MCF2: variants seen among roughly 807,000 people sequenced by gnomAD.
MCF2 encodes the protein MCF.2 cell line derived transforming sequence, also known as proto-oncogene DBL.
In MCF2, 44 loss-of-function variants were observed where a neutral mutation model predicts 82.5. The ratio of observed to expected loss-of-function variants is 0.53; its 90% CI spans 0.42 to 0.69. The LOEUF (loss-of-function observed/expected upper bound fraction) is 0.69, where lower values mean the gene tolerates loss of function less well. Ranked by LOEUF, MCF2 falls within the 30% of genes least tolerant of loss-of-function variation. The probability of loss-of-function intolerance (pLI) is 0.00; values close to 1 mark genes in which losing one functional copy is unlikely to be tolerated. For synonymous variants in MCF2, 217 were observed against 224.9 expected (o/e 0.96, Z 0.32); for missense variants, 623 against 663.1 (o/e 0.94, Z 0.66).
At chrX:139,696,933 T>C (rs1935396694) in intron 1 of MCF2, among the ~76,000 whole-genome samples, 1 of 112,267 alleles carries the variant, frequency 8.9e-6, no homozygotes, top group African/African-American at 3.2e-5. Context: ...TATAAAGGAC[T>C]ATATCAAGTT....
At chrX:139,632,453 G>T in exon 2 of MCF2, 1 of 1,197,015 alleles carries the variant, frequency 8.4e-7, no homozygotes, top group African/African-American at 1.8e-5. Flanking sequence ...AGGGAAGGAA[G>T]CCTGTAGAAA....
intron 1 of MCF2, among the ~76,000 whole-genome samples, 164 bp from the exon 5 acceptor site, chrX:139,632,618 T>C (rs112058410): frequency 0.022 from 2,409 of 111,551 alleles, 55 homozygotes; most frequent in African/African-American, 0.071. Flanking sequence ...TCTAAAAACA[T>C]GCAAATAGAA....
chrX:139,642,028 C>CATTTTT (rs1933598511), intron 1 of MCF2, among the ~76,000 whole-genome samples: 1 of 111,104 alleles, frequency 9.0e-6, no homozygotes, highest in East Asian at 2.8e-4. Context: ...ACGGTAACAC[C>CATTTTT]CAGGAAAGGC....
chrX:139,599,398 G>A (rs73634053), intron 16 of MCF2, among the ~76,000 whole-genome samples: 2 of 109,668 alleles, frequency 1.8e-5, no homozygotes, highest in Non-Finnish European at 3.8e-5. Flanking sequence ...GATAAGCAAG[G>A]GGAAAACTTC....
chrX:139,646,469 C>T (rs1263627136), upstream of MCF2, among the ~76,000 whole-genome samples: 2 of 111,962 alleles, frequency 1.8e-5, no homozygotes, highest in Admixed American at 1.9e-4. Flanking sequence ...GCTGTACTCA[C>T]TCTTGGCTGG....
chrX:139,611,974 G>C (rs1315716679), intron 10 of MCF2, among the ~76,000 whole-genome samples: 1 of 110,728 alleles, frequency 9.0e-6, no homozygotes, highest in African/African-American at 3.3e-5. Context: ...CTAGGAAAGG[G>C]AAGAAGAAGT....
chrX:139,587,867 T>TCACACACA (rs3830799), intron 21 of MCF2, 79 bp from the exon 26 acceptor site: 2 of 468,357 alleles, frequency 4.3e-6, no homozygotes, highest in Non-Finnish European at 7.4e-6. Flanking sequence ...TTTCTCTCTC[T>TCACACACA]CACACACACA....
chrX:139,687,590 AT>A (rs1687012178), intron 1 of MCF2, among the ~76,000 whole-genome samples: 1 of 112,676 alleles, frequency 8.9e-6, no homozygotes, highest in Non-Finnish European at 1.9e-5. Context: ...CTGGGGGCAA[AT>A]TTTAAGAATG....
chrX:139,604,770 A>G lies in MCF2; in HGVS notation c.1674-20T>C, dbSNP rs1442722307. 1.7e-6 allele frequency: 2 copies of G among 1,153,111 alleles called. No individual in the cohort carries two copies. Among genetic ancestry groups the G allele is most frequent in the African/African-American group, 3.6e-5 (2 of 55,840 alleles). ...AAAATGCTGTGAAAATTTCAGAGAA[A>G]AAAAATTGCATGATTTTATGTGAAA... On this transcript the variant is annotated intron_variant, in intron 14 of 24. Transcript: ENST00000370576.
chrX:139,618,384 A>C (rs1932087829), intron 7 of MCF2, among the ~76,000 whole-genome samples: 1 of 111,579 alleles, frequency 9.0e-6, no homozygotes, highest in South Asian at 3.7e-4. Flanking sequence ...CAATTTTATA[A>C]GGTGAAAAAG....
chrX:139,644,907 C>T (rs766280423), upstream of MCF2, among the ~76,000 whole-genome samples: 2 of 111,683 alleles, frequency 1.8e-5, no homozygotes, highest in African/African-American at 6.5e-5. Context: ...TCTCCCTCCT[C>T]GTCTATGAAA....
intron 19 of MCF2, among the ~76,000 whole-genome samples, chrX:139,592,432 A>G (rs1252314997): frequency 8.9e-6 from 1 of 111,760 alleles, no homozygotes; most frequent in Non-Finnish European, 1.9e-5. Context: ...CCATCATTGT[A>G]ACAAATTAAA....
At chrX:139,616,473 C>T in exon 9 of MCF2, 5 of 1,037,975 alleles carry the variant, frequency 4.8e-6, no homozygotes, top group Non-Finnish European at 6.3e-6. Flanking sequence ...CATTGACGAG[C>T]CTGGTAAGAA....
At chrX:139,612,041 T>C (rs752875244) in intron 10 of MCF2, among the ~76,000 whole-genome samples, 14 of 109,616 alleles carry the variant, frequency 1.3e-4, no homozygotes, top group Admixed American at 4.9e-4. Flanking sequence ...GCCAGGATGA[T>C]GTTAGCTCGG....
chrX:139,648,088 C>G (rs1569382224), intron 2 of MCF2, among the ~76,000 whole-genome samples: 1 of 111,656 alleles, frequency 9.0e-6, no homozygotes. Flanking sequence ...GAAAAGGATA[C>G]AGGCCGGGCA....
intron 6 of MCF2, among the ~76,000 whole-genome samples, chrX:139,623,382 G>T (rs910951361): frequency 1.8e-5 from 2 of 111,462 alleles, no homozygotes; most frequent in African/African-American, 3.3e-5. Flanking sequence ...ATACATCATG[G>T]AATACTATGC....
chrX:139,611,339 T>C (rs943641908), intron 10 of MCF2, among the ~76,000 whole-genome samples: 1 of 112,183 alleles, frequency 8.9e-6, no homozygotes, highest in Admixed American at 9.5e-5. Context: ...GTTTATATCA[T>C]CATATATGTA....
intron 1 of MCF2, among the ~76,000 whole-genome samples, chrX:139,662,540 T>C (rs1270776218): frequency 1.8e-5 from 2 of 109,999 alleles, no homozygotes; most frequent in East Asian, 5.7e-4. Context: ...GAATGGAGAG[T>C]CCAAAAAAGT....
At chrX:139,639,710 G>A (rs1438577055) in intron 1 of MCF2, among the ~76,000 whole-genome samples, 1 of 111,884 alleles carries the variant, frequency 8.9e-6, no homozygotes, top group Non-Finnish European at 1.9e-5. Flanking sequence ...TAATACTCTT[G>A]TGTGTGCTCT....
Sources: gnomAD v4.1 joint callset for allele counts (sites outside exome capture counted in the v4.1 genomes callset) on GRCh38, gnomAD v4.1.1 for gene constraint, MANE v1.5 for transcripts, NCBI Gene and HGNC (gene_info 2026-07-23, HGNC 2026-07-21) for gene names.